SWT1: variants seen among roughly 807,000 people sequenced by gnomAD.
SWT1 encodes transcriptional protein SWT1.
A neutral mutation model predicts 107.3 loss-of-function variants in SWT1; 33 were observed. The observed-to-expected ratio is 0.31, with a 90% CI of 0.23 to 0.41. SWT1 has a LOEUF of 0.41. Among genes scored for constraint, SWT1 ranks in the 10% least tolerant of loss-of-function variants. SWT1 has a pLI of 1.00. For missense variants in SWT1, 898 were observed against 1,028.9 expected (o/e 0.87, Z 1.74); for synonymous variants, 345 against 348.3 (o/e 0.99, Z 0.11).
chr1:185,183,945 T>C (rs575977189), intron 7 of SWT1, among the ~76,000 whole-genome samples: 2 of 152,180 alleles, frequency 1.3e-5, no homozygotes, highest in African/African-American at 4.8e-5. Context: ...AACCCTTACC[T>C]TCTCTGCCCA....
intron 6 of SWT1, among the ~76,000 whole-genome samples, chr1:185,180,766 G>T (rs544220360): frequency 2.0e-5 from 3 of 152,288 alleles, no homozygotes; most frequent in African/African-American, 7.2e-5. Context: ...CCAAAATGCA[G>T]TAGGACATTA....
chr1:185,169,719 C>T (rs896439816), intron 4 of SWT1, among the ~76,000 whole-genome samples: 1 of 151,918 alleles, frequency 6.6e-6, no homozygotes, highest in Non-Finnish European at 1.5e-5. Context: ...GTAGTGAGAC[C>T]CCATCTCTAC....
Position 185,221,845 on chromosome 1 carries a change from C to A in SWT1, c.2122-4C>A. On this transcript the variant is annotated splice_polypyrimidine_tract_variant and splice_region_variant and intron_variant, in intron 14 of 18. Transcript: ENST00000367500. ...TGCATTTTATGTAATTCTTATTTCCCCAGGTCAAGACAAAACTTAAGCCAA... is the reference window on the plus strand; with the variant it reads ...TGCATTTTATGTAATTCTTATTTCCACAGGTCAAGACAAAACTTAAGCCAA... The A allele has an allele frequency of 6.5e-7, 1 of 1,545,418 alleles. No homozygotes were observed. The highest frequency in any genetic ancestry group is 8.7e-7 in the Non-Finnish European group (1 of 1,149,482).
chr1:185,256,840 G>T (rs1662575036), intron 16 of SWT1, among the ~76,000 whole-genome samples: 1 of 152,164 alleles, frequency 6.6e-6, no homozygotes, highest in Non-Finnish European at 1.5e-5. Context: ...GCGTTCCTTT[G>T]GAAGAGGAGA....
intron 18 of SWT1, among the ~76,000 whole-genome samples, chr1:185,289,818 G>A (rs562854650): frequency 6.6e-6 from 1 of 152,258 alleles, no homozygotes; most frequent in Non-Finnish European, 1.5e-5. Flanking sequence ...AAAATAAAAT[G>A]GTGGTTACCA....
chr1:185,271,270 G>T, intron 16 of SWT1, 53 bp from the exon 17 acceptor site: 2 of 934,390 alleles, frequency 2.1e-6, no homozygotes, highest in Admixed American at 3.6e-5. Flanking sequence ...TCAAGGTATT[G>T]GTTTTTTCTG....
chr1:185,166,525 C>A, intron 2 of SWT1, 47 bp from the exon 3 acceptor site: 1 of 1,261,072 alleles, frequency 7.9e-7, no homozygotes, highest in Non-Finnish European at 1.1e-6. Context: ...TTATACTATG[C>A]TTTATTTTGT....
intron 1 of SWT1, among the ~76,000 whole-genome samples, chr1:185,158,792 C>T (rs1372888216): frequency 6.6e-6 from 1 of 152,150 alleles, no homozygotes; most frequent in African/African-American, 2.4e-5. Flanking sequence ...AACATAGTAG[C>T]TTAAAACAAC....
intron 7 of SWT1, among the ~76,000 whole-genome samples, chr1:185,183,268 C>CT (rs1656179924): frequency 6.6e-6 from 1 of 151,580 alleles, no homozygotes; most frequent in Admixed American, 6.6e-5. Context: ...TATGTTTTTT[C>CT]TTTTTTTGTT....
Position 185,181,985 on chromosome 1 carries a change from A to G in SWT1, c.1066A>G (p.Lys356Glu). ...AGAGCTTCATGCTGCACGTGTGGGA[A>G]AAAGTGTGGATTTACCTGGAGAGTT... ...VEELHAARVG[K>E]SVDLPGELMS... Residue 356 changes from lysine to glutamate, a missense_variant, in exon 7 of 19, where the codon AAA becomes GAA. Around this residue, in one of 6 missense-constraint regions of SWT1, gnomAD observed 94 missense variants for 114.5 expected, o/e 0.82. Transcript: ENST00000367500. 1 of 1,613,948 alleles carries G rather than the reference A, an allele frequency of 6.2e-7. No individual in the cohort carries two copies.
intron 5 of SWT1, among the ~76,000 whole-genome samples, chr1:185,178,357 G>A (rs900082209): frequency 1.3e-5 from 2 of 152,162 alleles, no homozygotes; most frequent in African/African-American, 4.8e-5. Flanking sequence ...GGATGATTTC[G>A]TATCATGGGA....
Position 185,245,132 on chromosome 1 carries a change from T to G in SWT1, c.2441+13424T>G, listed in dbSNP as rs77321418. Among the ~76,000 whole-genome samples the G allele has an allele frequency of 5.5e-3, 842 of 152,292 alleles. 35 individuals carry two copies. The East Asian group carries it at 0.093, about 17-fold the overall frequency. On this transcript the variant is annotated intron_variant, in intron 16 of 18. Transcript: ENST00000367500. Reference sequence around the variant, plus strand: ...ATAAAATAAAAAAGGACCACCCCTTTCAGATCTATGCTTTCTAGAAAACAC... The same window carrying G: ...ATAAAATAAAAAAGGACCACCCCTTGCAGATCTATGCTTTCTAGAAAACAC...
chr1:185,235,590 AC>A (rs900100540), intron 16 of SWT1, among the ~76,000 whole-genome samples: 1 of 152,136 alleles, frequency 6.6e-6, no homozygotes, highest in Non-Finnish European at 1.5e-5. Context: ...TTTACGACAA[AC>A]CCATAGCCAG....
intron 3 of SWT1, among the ~76,000 whole-genome samples, chr1:185,166,868 T>C (rs1253656788): frequency 2.0e-5 from 3 of 152,186 alleles, no homozygotes; most frequent in African/African-American, 7.2e-5. Context: ...GCTATAAATT[T>C]AGACAGTTCT....
chr1:185,230,398 T>C (rs192185828), intron 15 of SWT1, among the ~76,000 whole-genome samples: 3 of 152,338 alleles, frequency 2.0e-5, no homozygotes, highest in Non-Finnish European at 4.4e-5. Flanking sequence ...GTTTCATGTC[T>C]TTCTCTTTTC....
chr1:185,212,777 T>C (rs981484473), intron 13 of SWT1, among the ~76,000 whole-genome samples: 2 of 146,050 alleles, frequency 1.4e-5, no homozygotes, highest in African/African-American at 5.2e-5. Context: ...CACTCCAGCC[T>C]GGGCAACAAG....
intron 15 of SWT1, chr1:185,226,934 C>CT: frequency 9.4e-7 from 1 of 1,066,838 alleles, no homozygotes; most frequent in Non-Finnish European, 1.4e-6. Context: ...TCTGCGGCGT[C>CT]TTTTCATAGA....
intron 18 of SWT1, among the ~76,000 whole-genome samples, chr1:185,288,119 AAG>A (rs1420793974): frequency 6.6e-6 from 1 of 152,218 alleles, no homozygotes; most frequent in Non-Finnish European, 1.5e-5. Flanking sequence ...TGAATCCCTT[AAG>A]AGTGTTTCAA....
intron 10 of SWT1, among the ~76,000 whole-genome samples, chr1:185,193,024 A>G (rs1181704039): frequency 1.3e-5 from 2 of 152,076 alleles, no homozygotes; most frequent in Admixed American, 1.3e-4. Context: ...CTTATTTGGT[A>G]CCGCTATAAC....
Sources: allele counts gnomAD v4.1 joint callset (sites outside exome capture counted in the v4.1 genomes callset), GRCh38; gene constraint gnomAD v4.1.1; regional missense constraint gnomAD v4.1.1; transcripts MANE v1.5; gene names NCBI Gene and HGNC (gene_info 2026-07-23, HGNC 2026-07-21).